The following SYCE2 variants were observed in gnomAD, a reference collection of about 807,000 sequenced individuals.
The protein encoded by SYCE2 is synaptonemal complex central element protein 2.
Under a neutral mutation model 27.9 loss-of-function variants are expected in SYCE2, and 3 were observed. That is an observed-to-expected ratio of 0.11 (90% confidence interval 0.05 to 0.28). The LOEUF (loss-of-function observed/expected upper bound fraction) is 0.28, where lower values mean the gene tolerates loss of function less well. Ranked by LOEUF, SYCE2 falls within the 10% of genes least tolerant of loss-of-function variation. The pLI, the probability that SYCE2 is intolerant of heterozygous loss-of-function variation, is 1.00. For synonymous variants in SYCE2, 85 were observed against 100.7 expected (o/e 0.84, Z 0.93); for missense variants, 207 against 263.5 (o/e 0.79, Z 1.48).
intron 2 of SYCE2, among the ~76,000 whole-genome samples, chr19:12,907,726 G>A (rs1290897838): frequency 6.6e-6 from 1 of 152,194 alleles, no homozygotes; most frequent in Non-Finnish European, 1.5e-5. Context: ...GGGAGGCAGA[G>A]GTTGCAGTGA....
intron 2 of SYCE2, among the ~76,000 whole-genome samples, chr19:12,917,275 C>T (rs919259348): frequency 6.6e-6 from 1 of 151,050 alleles, no homozygotes; most frequent in Admixed American, 6.6e-5. Context: ...AGGCTAGTCT[C>T]AAACTCCTGA....
intron 2 of SYCE2, among the ~76,000 whole-genome samples, chr19:12,913,791 T>G (rs1971087708): frequency 6.6e-6 from 1 of 152,180 alleles, no homozygotes; most frequent in Non-Finnish European, 1.5e-5. Context: ...AACATGCTAT[T>G]CCGCAGTAAG....
At chr19:12,918,760 T>A (rs987122366) in intron 1 of SYCE2, among the ~76,000 whole-genome samples, 1 of 151,906 alleles carries the variant, frequency 6.6e-6, no homozygotes, top group South Asian at 2.1e-4. Context: ...GAGAACAGCC[T>A]GAGCAATATG....
chr19:12,899,932 A>G, intron 5 of SYCE2, 72 bp downstream of exon 5: 5 of 1,591,782 alleles, frequency 3.1e-6, no homozygotes, highest in Non-Finnish European at 4.3e-6. Flanking sequence ...GTGTTGGAGC[A>G]GAGTGAGGGA....
At chr19:12,903,052 A>G (rs2145965332) in intron 3 of SYCE2, among the ~76,000 whole-genome samples, 1 of 151,156 alleles carries the variant, frequency 6.6e-6, no homozygotes, top group African/African-American at 2.4e-5. Flanking sequence ...AAAAAAAAAA[A>G]AGAAAAAGAA....
chr19:12,907,129 T>C (rs998431531), intron 2 of SYCE2, among the ~76,000 whole-genome samples: 6 of 152,130 alleles, frequency 3.9e-5, no homozygotes, highest in African/African-American at 1.4e-4. Context: ...ACAGCTAACT[T>C]TTCCTCAGCC....
At chr19:12,915,416 C>T (rs912944333) in intron 2 of SYCE2, among the ~76,000 whole-genome samples, 32 of 148,220 alleles carry the variant, frequency 2.2e-4, no homozygotes, top group Admixed American at 6.8e-5. Flanking sequence ...CTGGCTAACA[C>T]GGTGAAACCC....
intron 3 of SYCE2, among the ~76,000 whole-genome samples, chr19:12,903,861 G>C (rs1284793624): frequency 6.6e-6 from 1 of 152,216 alleles, no homozygotes; most frequent in Admixed American, 6.5e-5. Context: ...GCCTTCCAAA[G>C]TGCTGGGATT....
intron 1 of SYCE2, 87 bp downstream of exon 1, chr19:12,919,156 G>A (rs151126897): frequency 1.3e-6 from 2 of 1,569,692 alleles, no homozygotes; most frequent in Non-Finnish European, 1.7e-6. Context: ...CCGGGCTCGG[G>A]TCCGCTGGAG....
chr19:12,906,049 G>T (rs1970927700), intron 2 of SYCE2: 1 of 151,864 alleles, frequency 6.6e-6, no homozygotes, highest in Non-Finnish European at 1.5e-5. Context: ...AGTAGAGACA[G>T]GGTTTCACCA....
intron 2 of SYCE2, among the ~76,000 whole-genome samples, chr19:12,913,742 C>T (rs1971086283): frequency 1.3e-5 from 2 of 152,314 alleles, no homozygotes; most frequent in Admixed American, 1.3e-4. Flanking sequence ...AAATGATTTG[C>T]AGCGGTCTGT....
chr19:12,915,797 G>A (rs1480098999), intron 2 of SYCE2, among the ~76,000 whole-genome samples: 8 of 151,770 alleles, frequency 5.3e-5, no homozygotes, highest in African/African-American at 7.3e-5. Flanking sequence ...TAGCTCCCCC[G>A]AATGCCACGA....
chr19:12,918,440 G>C, intron 1 of SYCE2, 103 bp from the exon 2 acceptor site: 1 of 1,030,052 alleles, frequency 9.7e-7, no homozygotes, highest in Non-Finnish European at 1.5e-6. Flanking sequence ...GTGCTGCTGC[G>C]GGACGGTGGG....
chr19:12,915,577 G>A (rs1971122078), intron 2 of SYCE2, among the ~76,000 whole-genome samples: 1 of 149,200 alleles, frequency 6.7e-6, no homozygotes, highest in Admixed American at 6.7e-5. Flanking sequence ...ACTCCAGCCT[G>A]GGCAACAGAG....
chr19:12,912,610 G>A (rs1397255835), intron 2 of SYCE2, among the ~76,000 whole-genome samples: 1 of 152,128 alleles, frequency 6.6e-6, no homozygotes, highest in Non-Finnish European at 1.5e-5. Flanking sequence ...TCTCCTGGAT[G>A]CTCTCAACAG....
At position 12,917,659 on chromosome 19, in the gene SYCE2, C is replaced by CTTTTTTTTTTTTTTTT. The variant is rs71168635; in HGVS notation, c.131+547_131+562dup. Among the ~76,000 whole-genome samples the CTTTTTTTTTTTTTTTT allele has an allele frequency of 2.5e-4, 20 of 79,404 alleles. 1 individual carries two copies. The highest frequency in any genetic ancestry group is 4.8e-4 in the East Asian group (1 of 2,074). The allele number at this position is 79,404 out of a possible 152,430, so 52.1% of individuals were successfully genotyped here. On this transcript the variant is annotated intron_variant, in intron 2 of 5. Transcript: ENST00000293695. ...TACAGGCATAAGCCACCATTCCTGG[C>CTTTTTTTTTTTTTTTT]TTTTTTTTTTTTTTTTTGAGACAGC... is the stretch of plus-strand genomic sequence containing the variant.
intron 2 of SYCE2, among the ~76,000 whole-genome samples, chr19:12,916,793 T>G (rs1971146434): frequency 6.6e-6 from 1 of 151,986 alleles, no homozygotes; most frequent in Non-Finnish European, 1.5e-5. Context: ...CTTTCTTTTT[T>G]TTCAGAGAGA....
chr19:12,917,347 C>T (rs1476775409), intron 2 of SYCE2, among the ~76,000 whole-genome samples: 1 of 152,146 alleles, frequency 6.6e-6, no homozygotes, highest in East Asian at 1.9e-4. Flanking sequence ...AGCCACCGTG[C>T]CCGGCCTACT....
rs778827165 is a variant in SYCE2, at chr19:12,900,616, C to G, written c.339G>C (p.Arg113Ser). 6.2e-7 allele frequency: 1 copy of G among 1,613,846 alleles called. No individual in the cohort carries two copies. The highest frequency in any genetic ancestry group is 1.7e-5 in the Admixed American group (1 of 59,984). ...TGTGGTCATTATAAATCTGATAGATCCTCTCCTCTAATTTCTCTGTCAGAT... is the reference window on the plus strand; with the variant it reads ...TGTGGTCATTATAAATCTGATAGATGCTCTCCTCTAATTTCTCTGTCAGAT... The part of the protein sequence containing the change: ...VSDLTEKLEE[R>S]IYQIYNDHNK... Residue 113 changes from arginine (R) to serine (S), a missense_variant, in exon 4 of 6, where the codon AGG (arginine) becomes AGC (serine). Physicochemically the swap from Arg to Ser is moderately radical, Grantham distance 110. Transcript: ENST00000293695.
Sources: allele counts gnomAD v4.1 joint callset (sites outside exome capture counted in the v4.1 genomes callset), GRCh38; gene constraint gnomAD v4.1.1; transcripts MANE v1.5; gene names NCBI Gene and HGNC (gene_info 2026-07-23, HGNC 2026-07-21).